GALNT16: variants seen among roughly 807,000 people sequenced by gnomAD.
The protein encoded by GALNT16 is polypeptide N-acetylgalactosaminyltransferase 16.
In GALNT16, 40 loss-of-function variants were observed where a neutral mutation model predicts 76.1. That is an observed-to-expected ratio of 0.53 (90% CI 0.41 to 0.68). The LOEUF is 0.68. Among genes scored for constraint, GALNT16 ranks in the 30% least tolerant of loss-of-function variants. GALNT16 has a pLI of 0.00. For synonymous variants in GALNT16, 276 were observed against 285.2 expected (o/e 0.97, Z 0.32); for missense variants, 621 against 731.9 (o/e 0.85, Z 1.75).
chr14:69,265,819 A>G (rs1357353191), intron 1 of GALNT16, among the ~76,000 whole-genome samples: 1 of 152,166 alleles, frequency 6.6e-6, no homozygotes, highest in Non-Finnish European at 1.5e-5. Context: ...CACTCTGAAA[A>G]CGGTGTCAAG....
At chr14:69,363,941 G>T in the GALNT16 span, among the ~76,000 whole-genome samples, 2 of 152,172 alleles carry the variant, frequency 1.3e-5, no homozygotes, top group Non-Finnish European at 2.9e-5. Context: ...GCCACTGGGT[G>T]ACTGGCCCCC....
intron 14 of GALNT16, chr14:69,348,838 C>T (rs1347478076): frequency 6.6e-6 from 1 of 152,332 alleles, no homozygotes; most frequent in East Asian, 1.9e-4. Flanking sequence ...AGGGCTCCCT[C>T]ACCACCCAGG....
rs1468083037 is a variant in GALNT16, at chr14:69,353,827, A to T, written c.*1659A>T. Reference sequence around the variant, plus strand: ...TGTCTGCCCAAGCTGCCACCCCCTAATCTTCCTCCCTGGCGTGCTCAAACT... The same window carrying T: ...TGTCTGCCCAAGCTGCCACCCCCTATTCTTCCTCCCTGGCGTGCTCAAACT... On this transcript the variant is annotated 3_prime_UTR_variant, in exon 15 of 15. Coordinates refer to ENST00000448469, the MANE Select transcript of GALNT16 (RefSeq NM_001168368.2). 1.3e-5 allele frequency: 2 copies of T among 152,058 alleles called. No homozygotes were observed. The highest frequency in any genetic ancestry group is 2.9e-5 in the Non-Finnish European group (2 of 68,126). The allele number at this position is 152,058 out of a possible 1,614,324, so 9.4% of individuals were successfully genotyped here. A position where few individuals can be genotyped will look rare whatever the true frequency, so the allele number is the denominator to read the frequency against.
chr14:69,294,996 A>G (rs1003456884), intron 1 of GALNT16, among the ~76,000 whole-genome samples: 4 of 152,232 alleles, frequency 2.6e-5, no homozygotes, highest in African/African-American at 7.2e-5. Context: ...TTCATTCACC[A>G]GATGATAGAC....
chr14:69,380,235 T>C, the GALNT16 span: 1 of 246,556 alleles, frequency 4.1e-6, no homozygotes, highest in South Asian at 1.6e-4. Context: ...AGTATGTGAA[T>C]GTTATAAAGT....
intron 11 of GALNT16, 134 bp from the exon 12 acceptor site, chr14:69,341,547 A>G: frequency 1.5e-6 from 1 of 651,440 alleles, no homozygotes; most frequent in South Asian, 1.8e-5. Flanking sequence ...CCAGGGCTGG[A>G]CATGGCAGGC....
chr14:69,312,061 C>A (rs970852996), intron 1 of GALNT16, among the ~76,000 whole-genome samples: 4 of 98,220 alleles, frequency 4.1e-5, no homozygotes, highest in African/African-American at 1.5e-4. Context: ...AAAAATCTGT[C>A]TATCTATCTA....
intron 5 of GALNT16, 22 bp downstream of exon 5, chr14:69,326,049 C>A: frequency 1.3e-6 from 2 of 1,588,562 alleles, no homozygotes; most frequent in Non-Finnish European, 1.7e-6. Context: ...CACCCTGGGT[C>A]CCACCAAGGG....
chr14:69,286,765 G>T (rs764169946), intron 1 of GALNT16, among the ~76,000 whole-genome samples: 1 of 152,172 alleles, frequency 6.6e-6, no homozygotes. Context: ...TTAGAGGAGA[G>T]CTGTATGATC....
At chr14:69,306,574 A>C (rs934363316) in intron 1 of GALNT16, among the ~76,000 whole-genome samples, 1 of 152,192 alleles carries the variant, frequency 6.6e-6, no homozygotes, top group Admixed American at 6.5e-5. Flanking sequence ...TAACATTTAG[A>C]TTATTTTCAA....
At chr14:69,264,737 AC>A (rs2044317766) in intron 1 of GALNT16, among the ~76,000 whole-genome samples, 1 of 150,124 alleles carries the variant, frequency 6.7e-6, no homozygotes, top group South Asian at 2.1e-4. Context: ...AAGCACAAAC[AC>A]CCACAATTCC....
chr14:69,259,786 C>T (rs537124372), upstream of GALNT16: 2 of 154,910 alleles, frequency 1.3e-5, no homozygotes, highest in South Asian at 4.0e-4. Context: ...CTCAAGGCCG[C>T]TCGGTCCGGG....
In GALNT16 at chr14:69,338,687, T is replaced by A. The variant is rs1316108763; in HGVS notation, c.1004T>A (p.Leu335Gln). ...AGGGTGTGGATGTGTGGTGGCAGTC[T>A]GGAGATCGTCCCCTGCAGCCGGGTG... ...SFRVWMCGGS[L>Q]EIVPCSRVGH... The change falls in exon 10 of 15, where the codon CTG (leucine) becomes CAG (glutamine). Residue 335 changes from leucine to glutamine, a missense_variant. By Grantham distance (113) the Leu-to-Gln change is moderately radical (BLOSUM62 -2). Coordinates refer to ENST00000448469, the MANE Select transcript of GALNT16 (RefSeq NM_001168368.2). The A allele has an allele frequency of 1.2e-6, 2 of 1,613,782 alleles. No homozygotes were observed. Among genetic ancestry groups the A allele is most frequent in the Non-Finnish European group, 1.7e-6 (2 of 1,179,908 alleles).
At chr14:69,377,981 T>C in the GALNT16 span, among the ~76,000 whole-genome samples, 1 of 152,186 alleles carries the variant, frequency 6.6e-6, no homozygotes. Context: ...ACAATCATAC[T>C]GAGAAAACTA....
chr14:69,266,969 T>C (rs577944341), intron 1 of GALNT16, among the ~76,000 whole-genome samples: 1 of 152,294 alleles, frequency 6.6e-6, no homozygotes, highest in African/African-American at 2.4e-5. Flanking sequence ...GCATCTTTCC[T>C]CTCCCAAGAC....
downstream of GALNT16, chr14:69,357,971 G>C (rs537161665): frequency 2.6e-5 from 4 of 152,494 alleles, no homozygotes; most frequent in African/African-American, 9.7e-5. Context: ...TGAGTACCCT[G>C]ACACTCAGCA....
At chr14:69,285,703 C>T (rs4902708) in intron 1 of GALNT16, among the ~76,000 whole-genome samples, 103,194 of 152,022 alleles carry the variant, frequency 0.68, 35,771 homozygotes, top group East Asian at 1. Context: ...GAAAGAGGGT[C>T]TTGTGAGGAC....
chr14:69,305,939 C>T (rs1566873221), intron 1 of GALNT16, among the ~76,000 whole-genome samples: 6 of 152,040 alleles, frequency 3.9e-5, no homozygotes, highest in Admixed American at 3.3e-4. Flanking sequence ...TTGATTTTGG[C>T]GTATAGCATA....
chr14:69,289,864 G>A (rs1362826367), intron 1 of GALNT16, among the ~76,000 whole-genome samples: 1 of 152,040 alleles, frequency 6.6e-6, no homozygotes, highest in African/African-American at 2.4e-5. Context: ...TTCCCGAATA[G>A]CTGGGACTAC....
Sources: allele counts gnomAD v4.1 joint callset (sites outside exome capture counted in the v4.1 genomes callset), GRCh38; gene constraint gnomAD v4.1.1; transcripts MANE v1.5; gene names NCBI Gene and HGNC (gene_info 2026-07-23, HGNC 2026-07-21).